SELENBP1: variants seen among roughly 807,000 people sequenced by gnomAD.
SELENBP1 encodes the protein methanethiol oxidase.
Under a neutral mutation model 61.0 loss-of-function variants are expected in SELENBP1, and 71 were observed. That is an observed-to-expected ratio of 1.16 (90% confidence interval 0.96 to 1.42). The LOEUF (loss-of-function observed/expected upper bound fraction) is 1.42. Ranked by LOEUF, SELENBP1 falls within the 40% of genes most tolerant of loss-of-function variation. The probability of loss-of-function intolerance (pLI) is 0.00; values close to 1 mark genes in which losing one functional copy is unlikely to be tolerated. For synonymous variants in SELENBP1, 270 were observed against 238.9 expected (o/e 1.13, Z -1.20); for missense variants, 561 against 605.0 (o/e 0.93, Z 0.76).
At chr1:151,370,201 G>A (rs973810970) in intron 1 of SELENBP1, 7 of 409,898 alleles carry the variant, frequency 1.7e-5, no homozygotes, top group Non-Finnish European at 2.7e-5. Flanking sequence ...GGGCTTTTAC[G>A]AGAAGTAAAC....
In SELENBP1 at chr1:151,366,267, T is replaced by C. The variant is rs1463476160; in HGVS notation, c.843+8A>G. ...ACTGGGAGGGGAGGGCCAGAGGGCGTATGTCACCTCGTTCTTGTAGAAGCG... is the reference window on the plus strand; with the variant it reads ...ACTGGGAGGGGAGGGCCAGAGGGCGCATGTCACCTCGTTCTTGTAGAAGCG... On this transcript the variant is annotated splice_region_variant and intron_variant, in intron 7 of 11. Transcript: ENST00000368868. The C allele has an allele frequency of 6.2e-7, 1 of 1,611,034 alleles. No individual in the cohort carries two copies. Among genetic ancestry groups the C allele is most frequent in the Non-Finnish European group, 8.5e-7 (1 of 1,178,312 alleles).
At chr1:151,372,333 C>T (rs927490488) in intron 1 of SELENBP1, among the ~76,000 whole-genome samples, 1 of 152,178 alleles carries the variant, frequency 6.6e-6, no homozygotes, top group Non-Finnish European at 1.5e-5. Context: ...CTAAGAGCGC[C>T]CATCTGATTT....
Position 151,364,644 on chromosome 1 carries a change from G to A in SELENBP1, c.1318C>T (p.Pro440Ser). ...DTVKGGLKLN[P>S]NFLVDFGKEP... Reference sequence around the variant, plus strand: ...TTCCCGAAGTCCACCAGGAAGTTGGGGTTCAACTTCAGCCCTCCTTTTACT... The same window carrying A: ...TTCCCGAAGTCCACCAGGAAGTTGGAGTTCAACTTCAGCCCTCCTTTTACT... The change falls in exon 12 of 12, where the codon CCC (proline) becomes TCC (serine). Residue 440 changes from proline (P) to serine (S), a missense_variant. Pro to Ser is a moderately conservative substitution (Grantham distance 74, BLOSUM62 -1). Coordinates refer to ENST00000368868, the MANE Select transcript of SELENBP1 (RefSeq NM_003944.4). 1 of 1,612,970 alleles carries A rather than the reference G, an allele frequency of 6.2e-7. No individual in the cohort carries two copies. The highest frequency in any genetic ancestry group is 1.3e-5 in the African/African-American group (1 of 75,010).
Position 151,364,907 on chromosome 1 carries a change from C to A in SELENBP1, c.1256+19G>T. ...GAAGAGGAGGGCTGGGGAGGAGAGC[C>A]CATGTGTCTGCTTCTCACCTGATGA... is the stretch of plus-strand genomic sequence containing the variant. On this transcript the variant is annotated intron_variant, in intron 11 of 11. Coordinates refer to ENST00000368868, the MANE Select transcript of SELENBP1 (RefSeq NM_003944.4). The A allele has an allele frequency of 1.2e-6, 2 of 1,609,094 alleles. No homozygotes were observed. The highest frequency in any genetic ancestry group is 1.7e-4 in the Middle Eastern group (1 of 6,042).
chr1:151,369,842 C>G, intron 1 of SELENBP1, 73 bp from the exon 2 acceptor site: 1 of 1,551,696 alleles, frequency 6.4e-7, no homozygotes, highest in Non-Finnish European at 8.7e-7. Context: ...CGTTCTGCAG[C>G]ACACATCCCA....
chr1:151,367,632 C>T (rs1377143159), intron 5 of SELENBP1, among the ~76,000 whole-genome samples: 67 of 152,174 alleles, frequency 4.4e-4, no homozygotes, highest in Non-Finnish European at 1.6e-4. Flanking sequence ...CTGCTCACTA[C>T]ATTTTTTTGA....
Position 151,366,752 on chromosome 1 carries a change from CT to C in SELENBP1, c.633del (p.Asp212MetfsTer33). On this transcript the variant is annotated frameshift_variant, in exon 6 of 12. Transcript: ENST00000368868. LOFTEE classifies it high-confidence loss of function. ...STEWAAPNVL[R>X]DGFNPADVEA... ...TCCACATCAGCGGGGTTGAAGCCAT[CT>C]CGTAAGACATTGGGAGCTGCCCACT... The C allele has an allele frequency of 6.2e-7, 1 of 1,614,140 alleles. No individual in the cohort carries two copies. The highest frequency in any genetic ancestry group is 8.5e-7 in the Non-Finnish European group (1 of 1,180,012).
In SELENBP1 at chr1:151,370,068, C is replaced by T. The variant is rs562153003; in HGVS notation, c.5-299G>A. 3.1e-4 allele frequency: 402 copies of T among 1,313,136 alleles called. 2 individuals carry two copies. The South Asian group carries it at 3.1e-3, about 10-fold the overall frequency. The allele number at this position is 1,313,136 out of a possible 1,614,324, so 81.3% of individuals were successfully genotyped here. A position where few individuals can be genotyped will look rare whatever the true frequency, so the allele number is the denominator to read the frequency against. On this transcript the variant is annotated intron_variant, in intron 1 of 11. Transcript: ENST00000368868. Reference sequence around the variant, plus strand: ...GTCGTGTGGTGTAGTGAATATGACACGGACTCGGGGCCCAACCCCAGCCCA... The same window carrying T: ...GTCGTGTGGTGTAGTGAATATGACATGGACTCGGGGCCCAACCCCAGCCCA...
chr1:151,369,094 C>A lies in SELENBP1; in HGVS notation c.270G>T (p.Ser90=). The change falls in exon 4 of 12, where the codon TCG becomes TCT. Residue 90 remains serine (S), a synonymous_variant. Coordinates refer to ENST00000368868, the MANE Select transcript of SELENBP1 (RefSeq NM_003944.4). ...CSSCFGDSTK[S]RTKLVLPSLI... Reference sequence around the variant, plus strand: ...GACTGGGCAGCACCAGCTTGGTGCGCGACTTGGTGCTATCACCGAAGCAGC... The same window carrying A: ...GACTGGGCAGCACCAGCTTGGTGCGAGACTTGGTGCTATCACCGAAGCAGC... The A allele has an allele frequency of 1.9e-6, 3 of 1,613,994 alleles. No homozygotes were observed. The highest frequency in any genetic ancestry group is 2.5e-6 in the Non-Finnish European group (3 of 1,180,006).
At chr1:151,367,562 T>G (rs1200808786) in intron 5 of SELENBP1, among the ~76,000 whole-genome samples, 1 of 152,146 alleles carries the variant, frequency 6.6e-6, no homozygotes, top group East Asian at 1.9e-4. Flanking sequence ...GCACCTGGTA[T>G]TTCTCTTGTC....
rs1325622589 is a variant in SELENBP1 at position 151,365,255 on chromosome 1, C to A, written c.1071G>T (p.Lys357Asn). ...GQLFLGGSIV[K>N]GGPVQVLEDE... ...CCTCCAGCACTTGCACAGGGCCTCC[C>A]TTAACAATGCTGCCTCCGAGGAAGA... The change falls in exon 10 of 12, where the codon AAG (lysine) becomes AAT (asparagine). Residue 357 changes from lysine (K) to asparagine (N), a missense_variant. Transcript: ENST00000368868. The A allele has an allele frequency of 1.2e-6, 2 of 1,613,078 alleles. No individual in the cohort carries two copies. Among genetic ancestry groups the A allele is most frequent in the Admixed American group, 1.7e-5 (1 of 59,844 alleles).
At chr1:151,365,096 C>T in intron 10 of SELENBP1, 52 bp from the exon 11 acceptor site, 2 of 1,583,066 alleles carry the variant, frequency 1.3e-6, no homozygotes, top group African/African-American at 2.7e-5. Context: ...TCCTAGGCAC[C>T]ACCCCAACCC....
chr1:151,370,297 G>C (rs141770599), intron 1 of SELENBP1: 83 of 195,516 alleles, frequency 4.2e-4, no homozygotes, highest in East Asian at 4.2e-3. Flanking sequence ...TGCTCTCAGG[G>C]AGTGGGGTGG....
intron 10 of SELENBP1, 54 bp from the exon 11 acceptor site, chr1:151,365,098 C>A (rs1365183449): frequency 6.3e-7 from 1 of 1,583,934 alleles, no homozygotes; most frequent in South Asian, 1.1e-5. Context: ...CTAGGCACCA[C>A]CCCAACCCCA....
rs780679038 is a variant in SELENBP1, at chr1:151,370,827, G to A, written c.5-1058C>T. On this transcript the variant is annotated intron_variant, in intron 1 of 11. Coordinates refer to ENST00000368868, the MANE Select transcript of SELENBP1 (RefSeq NM_003944.4). ...CAGCCTCTGCCTTCACAGCTGGGCC[G>A]CAAGTGGGGAGCCAGGAGTAGGCAG... is the stretch of plus-strand genomic sequence containing the variant. Among the ~76,000 whole-genome samples the A allele has an allele frequency of 6.6e-5, 10 of 152,180 alleles. No homozygotes were observed. The East Asian group carries it at 1.5e-3, about 23-fold the overall frequency.
At chr1:151,365,159 G>T (rs552420771) in intron 10 of SELENBP1, 30 bp downstream of exon 10, 1 of 1,601,986 alleles carries the variant, frequency 6.2e-7, no homozygotes, top group South Asian at 1.1e-5. Context: ...GGGTCTGAGG[G>T]GTCCAGCAAG....
chr1:151,368,918 G>A (rs909959952), intron 4 of SELENBP1, 86 bp downstream of exon 4: 1 of 1,400,270 alleles, frequency 7.1e-7, no homozygotes, highest in Admixed American at 2.0e-5. Context: ...GGAGGCTGCT[G>A]GTTTAGGTCT....
At chr1:151,365,500 C>T in intron 9 of SELENBP1, 63 bp downstream of exon 9, 1 of 1,608,220 alleles carries the variant, frequency 6.2e-7, no homozygotes, top group Non-Finnish European at 8.5e-7. Context: ...GATCATCCAC[C>T]CCATCCCCAG....
At position 151,364,480 on chromosome 1, in the gene SELENBP1, T is replaced by G; in HGVS notation, c.*63A>C. 1 of 1,604,804 alleles carries G rather than the reference T, an allele frequency of 6.2e-7. No individual in the cohort carries two copies. The highest frequency in any genetic ancestry group is 2.2e-5 in the East Asian group (1 of 44,832). On this transcript the variant is annotated 3_prime_UTR_variant, in exon 12 of 12. Transcript: ENST00000368868. ...GGTCGGGTGCCAAGAGAGAGCAGAA[T>G]GAAGCCAGGTCCCCAAGGAAGTGAG...
Sources: gnomAD v4.1 joint callset for allele counts (sites outside exome capture counted in the v4.1 genomes callset) on GRCh38, gnomAD v4.1.1 for gene constraint, MANE v1.5 for transcripts, NCBI Gene and HGNC (gene_info 2026-07-23, HGNC 2026-07-21) for gene names.